TMEM117: variants seen among roughly 807,000 people sequenced by gnomAD.
TMEM117 encodes the protein transmembrane protein 117.
In TMEM117, 27 loss-of-function variants were observed where a neutral mutation model predicts 52.4. That is an observed-to-expected ratio of 0.51 (90% confidence interval 0.38 to 0.71). TMEM117 has a LOEUF of 0.71. TMEM117 is among the 30% of genes least tolerant of loss of function. The pLI is 0.00. For synonymous variants in TMEM117, 215 were observed against 206.3 expected (o/e 1.04, Z -0.36); for missense variants, 556 against 630.5 (o/e 0.88, Z 1.26).
intron 4 of TMEM117, among the ~76,000 whole-genome samples, chr12:44,161,078 G>A (rs950330286): frequency 1.6e-4 from 25 of 152,054 alleles, no homozygotes; most frequent in African/African-American, 5.8e-4. Context: ...GTGAGCACTG[G>A]GCAATAGGGT....
chr12:44,009,053 T>C, intron 3 of TMEM117: 1 of 377,586 alleles, frequency 2.6e-6, no homozygotes, highest in South Asian at 2.2e-5. Flanking sequence ...ATTCCTGACA[T>C]TTAAAAGGTT....
chr12:44,152,475 TC>T (rs1387799928), intron 4 of TMEM117, among the ~76,000 whole-genome samples: 1,712 of 114,668 alleles, frequency 0.015, 55 homozygotes, highest in African/African-American at 0.058. Flanking sequence ...TATAATTATA[TC>T]ATATATAAAT....
intron 4 of TMEM117, among the ~76,000 whole-genome samples, chr12:44,163,263 G>A (rs1264589235): frequency 2.0e-5 from 3 of 152,120 alleles, no homozygotes; most frequent in Non-Finnish European, 4.4e-5. Flanking sequence ...TGCCCACTGA[G>A]GCTTTTCAGA....
intron 5 of TMEM117, among the ~76,000 whole-genome samples, chr12:44,220,424 T>C (rs1205968487): frequency 1.3e-5 from 2 of 152,140 alleles, no homozygotes; most frequent in African/African-American, 2.4e-5. Flanking sequence ...GCTTAATACA[T>C]AGAAAGATGG....
chr12:43,956,587 A>G (rs1945312226), intron 3 of TMEM117, among the ~76,000 whole-genome samples: 1 of 152,154 alleles, frequency 6.6e-6, no homozygotes, highest in East Asian at 1.9e-4. Flanking sequence ...GAGAAACGCA[A>G]ATCAAAACCA....
At chr12:44,392,502 T>A (rs1952165494), downstream of TMEM117, among the ~76,000 whole-genome samples, 1 of 152,122 alleles carries the variant, frequency 6.6e-6, no homozygotes, top group Non-Finnish European at 1.5e-5. Flanking sequence ...GTTGGTTAGT[T>A]GTTTTGCTGG....
chr12:43,996,458 A>G, intron 3 of TMEM117, among the ~76,000 whole-genome samples: 1 of 152,120 alleles, frequency 6.6e-6, no homozygotes. Flanking sequence ...CCTGGATAAC[A>G]CGGTGAAACC....
chr12:44,059,106 C>T (rs1253352661), intron 3 of TMEM117, among the ~76,000 whole-genome samples: 1 of 152,144 alleles, frequency 6.6e-6, no homozygotes, highest in Non-Finnish European at 1.5e-5. Flanking sequence ...GAATGTAATG[C>T]CACTGCTGAT....
At chr12:43,993,443 A>G (rs1353182906) in intron 3 of TMEM117, among the ~76,000 whole-genome samples, 1 of 152,166 alleles carries the variant, frequency 6.6e-6, no homozygotes, top group Non-Finnish European at 1.5e-5. Context: ...CTTTCAAGGG[A>G]CAGATTACAT....
chr12:44,163,776 TCTAAA>T (rs1475161299), intron 4 of TMEM117, among the ~76,000 whole-genome samples: 1 of 152,230 alleles, frequency 6.6e-6, no homozygotes, highest in East Asian at 1.9e-4. Flanking sequence ...AAATGTGACT[TCTAAA>T]ATATAACATC....
chr12:44,364,895 T>G (rs1049572358), intron 6 of TMEM117, among the ~76,000 whole-genome samples: 2 of 152,056 alleles, frequency 1.3e-5, no homozygotes, highest in African/African-American at 4.8e-5. Context: ...ACATAAAAGC[T>G]GTGTCTTTTT....
the TMEM117 span, chr12:43,797,047 G>T: frequency 1.9e-6 from 3 of 1,611,012 alleles, no homozygotes; most frequent in African/African-American, 4.0e-5. Flanking sequence ...CTAGAATACA[G>T]CATCCGCTCT....
the TMEM117 span, chr12:43,802,609 TAGAA>T: frequency 3.2e-6 from 2 of 620,354 alleles, no homozygotes; most frequent in Non-Finnish European, 5.6e-6. Context: ...TGTGGTAACA[TAGAA>T]AGTAATTATG....
intron 6 of TMEM117, among the ~76,000 whole-genome samples, chr12:44,350,407 T>C (rs924475657): frequency 1.3e-5 from 2 of 152,000 alleles, no homozygotes; most frequent in Non-Finnish European, 1.5e-5. Flanking sequence ...TCCAACTATA[T>C]TTTTTAGTTA....
At chr12:44,072,331 A>G (rs1397655720) in intron 3 of TMEM117, among the ~76,000 whole-genome samples, 1 of 152,200 alleles carries the variant, frequency 6.6e-6, no homozygotes, top group Non-Finnish European at 1.5e-5. Context: ...AGAGATTCTC[A>G]GAGGATGCTA....
chr12:44,369,693 G>A (rs1382233427), intron 6 of TMEM117, among the ~76,000 whole-genome samples: 2 of 152,132 alleles, frequency 1.3e-5, no homozygotes, highest in African/African-American at 4.8e-5. Context: ...TCAAATAAGG[G>A]TTTACAGTTT....
intron 3 of TMEM117, among the ~76,000 whole-genome samples, chr12:44,055,986 G>A (rs1010423785): frequency 1.3e-5 from 2 of 152,062 alleles, no homozygotes; most frequent in Non-Finnish European, 2.9e-5. Context: ...TAAGTTTGTA[G>A]CAGTTATAAT....
chr12:44,078,014 A>G (rs373575465), intron 3 of TMEM117, among the ~76,000 whole-genome samples: 1 of 152,170 alleles, frequency 6.6e-6, no homozygotes, highest in South Asian at 2.1e-4. Flanking sequence ...CAAGCAAGTA[A>G]CTCAAAAGAA....
At chr12:43,886,946 C>T (rs1342468369) in intron 2 of TMEM117, among the ~76,000 whole-genome samples, 1 of 152,102 alleles carries the variant, frequency 6.6e-6, no homozygotes, top group Non-Finnish European at 1.5e-5. Flanking sequence ...CTCCTGGGTT[C>T]AAGCAATTCT....
Sources: gnomAD v4.1 joint callset for allele counts (sites outside exome capture counted in the v4.1 genomes callset) on GRCh38, gnomAD v4.1.1 for gene constraint, MANE v1.5 for transcripts, NCBI Gene and HGNC (gene_info 2026-07-23, HGNC 2026-07-21) for gene names.